Variants in CA8 observed in about 807,000 individuals in gnomAD.
The protein encoded by CA8 is carbonic anhydrase-related protein.
CA8 carries 22 observed loss-of-function variants against 41.4 expected under a neutral mutation model. The ratio of observed to expected loss-of-function variants is 0.53; its 90% CI spans 0.38 to 0.76. The LOEUF (loss-of-function observed/expected upper bound fraction) is 0.76. Among genes scored for constraint, CA8 ranks in the 30% least tolerant of loss-of-function variants. The pLI, the probability that CA8 is intolerant of heterozygous loss-of-function variation, is 0.00. For synonymous variants in CA8, 121 were observed against 130.6 expected, an observed-to-expected ratio of 0.93 and a Z score of 0.50; for missense variants, 270 against 352.8, an observed-to-expected ratio of 0.77 and a Z score of 1.88.
intron 7 of CA8, among the ~76,000 whole-genome samples, chr8:60,215,558 T>C (rs1037972347): frequency 7.2e-5 from 11 of 152,178 alleles, no homozygotes; most frequent in African/African-American, 2.6e-4. Flanking sequence ...TAAACACCTA[T>C]GGAAATAAAA....
At chr8:60,215,275 G>A (rs940225622) in intron 7 of CA8, among the ~76,000 whole-genome samples, 10 of 151,766 alleles carry the variant, frequency 6.6e-5, no homozygotes, top group South Asian at 2.1e-4. Flanking sequence ...ATGCTTAGAC[G>A]GTTGTTTATA....
chr8:60,235,790 G>T (rs1019935367), intron 3 of CA8, among the ~76,000 whole-genome samples: 1 of 152,150 alleles, frequency 6.6e-6, no homozygotes, highest in African/African-American at 2.4e-5. Context: ...AGCTTTAAAT[G>T]TTACCATAGC....
At chr8:60,255,136 C>T (rs1332534334) in intron 3 of CA8, among the ~76,000 whole-genome samples, 12 of 152,096 alleles carry the variant, frequency 7.9e-5, no homozygotes, top group Non-Finnish European at 1.5e-5. Context: ...GCTGGCTTTC[C>T]TCTCTGCTCC....
At chr8:60,255,850 C>T (rs1277644582) in intron 3 of CA8, among the ~76,000 whole-genome samples, 1 of 151,982 alleles carries the variant, frequency 6.6e-6, no homozygotes, top group African/African-American at 2.4e-5. Context: ...TGTTTAACAA[C>T]ATTTTCCACC....
At chr8:60,264,904 G>T (rs752511862) in intron 3 of CA8, 6 of 152,066 alleles carry the variant, frequency 3.9e-5, no homozygotes, top group Admixed American at 2.0e-4. Flanking sequence ...ATACAGCCAT[G>T]ATTTCCAGCC....
At chr8:60,248,593 T>C (rs920288187) in intron 3 of CA8, among the ~76,000 whole-genome samples, 3 of 152,174 alleles carry the variant, frequency 2.0e-5, no homozygotes, top group African/African-American at 7.2e-5. Context: ...AGATCTCTGT[T>C]CCACTCCATC....
At chr8:60,213,634 G>C (rs928675667) in intron 7 of CA8, among the ~76,000 whole-genome samples, 2 of 152,178 alleles carry the variant, frequency 1.3e-5, no homozygotes, top group African/African-American at 4.8e-5. Context: ...CAAAGACTCA[G>C]TATGAAAATA....
At chr8:60,237,944 A>AT (rs1323027789) in intron 3 of CA8, among the ~76,000 whole-genome samples, 1 of 152,194 alleles carries the variant, frequency 6.6e-6, no homozygotes, top group Non-Finnish European at 1.5e-5. Flanking sequence ...GATGACCATT[A>AT]TGTCTTCTGT....
At chr8:60,227,040 C>G in intron 4 of CA8, 105 bp from the exon 5 acceptor site, 2 of 824,716 alleles carry the variant, frequency 2.4e-6, no homozygotes, top group South Asian at 2.8e-5. Flanking sequence ...GCCTGTAACC[C>G]CAGCACTTTG....
chr8:60,249,205 A>C (rs1808357075), intron 3 of CA8, among the ~76,000 whole-genome samples: 1 of 152,208 alleles, frequency 6.6e-6, no homozygotes, highest in Non-Finnish European at 1.5e-5. Flanking sequence ...CCATCTGGCA[A>C]TCATGAGTAA....
At chr8:60,194,419 C>A (rs72663287) in intron 8 of CA8, among the ~76,000 whole-genome samples, 1,847 of 152,246 alleles carry the variant, frequency 0.012, 22 homozygotes, top group Middle Eastern at 0.034. Flanking sequence ...GCTGGTCAGA[C>A]CCTCCCCAGA....
chr8:60,271,838 A>T lies in CA8; in HGVS notation c.293-5789T>A, dbSNP rs115559600. Reference sequence around the variant, plus strand: ...TCTGTAATTATTTTTTATGCTTACAATCCTCTTTATACCACTGCAAAGATG... The same window carrying T: ...TCTGTAATTATTTTTTATGCTTACATTCCTCTTTATACCACTGCAAAGATG... On this transcript the variant is annotated intron_variant, in intron 2 of 8. Transcript: ENST00000317995. Among the ~76,000 whole-genome samples the T allele has an allele frequency of 4.5e-3, 687 of 152,310 alleles. 4 individuals carry two copies. The highest frequency in any genetic ancestry group is 0.016 in the African/African-American group (648 of 41,562).
intron 7 of CA8, among the ~76,000 whole-genome samples, chr8:60,209,199 A>G (rs1436996190): frequency 1.3e-5 from 2 of 152,200 alleles, no homozygotes; most frequent in African/African-American, 4.8e-5. Flanking sequence ...TGTAAAAATG[A>G]TACAGGCCGG....
intron 7 of CA8, among the ~76,000 whole-genome samples, chr8:60,213,696 T>C (rs1332873718): frequency 6.6e-6 from 1 of 152,160 alleles, no homozygotes; most frequent in Non-Finnish European, 1.5e-5. Context: ...GCTAAAATGA[T>C]AGTATTTTGC....
At chr8:60,277,074 G>T (rs1585940706) in intron 2 of CA8, among the ~76,000 whole-genome samples, 1 of 148,218 alleles carries the variant, frequency 6.7e-6, no homozygotes, top group African/African-American at 2.5e-5. Flanking sequence ...GAGTCAAGAC[G>T]CACCATTGCA....
chr8:60,269,034 C>T lies in CA8; in HGVS notation c.293-2985G>A, dbSNP rs1803986336. Among the ~76,000 whole-genome samples, 3 of 152,136 alleles carry T rather than the reference C, an allele frequency of 2.0e-5. No homozygotes were observed. In the South Asian group the frequency reaches 6.2e-4, roughly 32 times the overall value. On this transcript the variant is annotated intron_variant, in intron 2 of 8. Transcript: ENST00000317995. ...CTGCAGATGAATAATCCAAAATAAA[C>T]CACACTAAAGTCATATAGCCATACA... is the stretch of plus-strand genomic sequence containing the variant.
At chr8:60,191,109 C>T (rs1451578991) in intron 8 of CA8, among the ~76,000 whole-genome samples, 6 of 151,584 alleles carry the variant, frequency 4.0e-5, no homozygotes, top group Admixed American at 3.9e-4. Flanking sequence ...TCTACCAGGA[C>T]CAAACTACAT....
At chr8:60,204,177 G>A (rs754388959) in intron 8 of CA8, among the ~76,000 whole-genome samples, 6 of 152,168 alleles carry the variant, frequency 3.9e-5, no homozygotes, top group Non-Finnish European at 8.8e-5. Context: ...ATACTTGAAA[G>A]CCATTTTTTA....
chr8:60,185,794 T>A lies in CA8; in HGVS notation c.*4227A>T, dbSNP rs1805947656. Among the ~76,000 whole-genome samples, 1 of 151,486 alleles carries A rather than the reference T, an allele frequency of 6.6e-6. No individual in the cohort carries two copies. Among genetic ancestry groups the A allele is most frequent in the African/African-American group, 2.4e-5 (1 of 41,248 alleles). On this transcript the variant is annotated 3_prime_UTR_variant, in exon 9 of 9. Coordinates refer to ENST00000317995, the MANE Select transcript of CA8 (RefSeq NM_004056.6). The stretch of plus-strand genomic sequence containing the variant: ...AGATTTGCCTTATATAAAAATATAT[T>A]AAAAAAAGGACTTCTGCCTGGAATG...
Sources: allele counts gnomAD v4.1 joint callset (sites outside exome capture counted in the v4.1 genomes callset), GRCh38; gene constraint gnomAD v4.1.1; transcripts MANE v1.5; gene names NCBI Gene and HGNC (gene_info 2026-07-23, HGNC 2026-07-21).